The following HSCB variants were observed in gnomAD, a reference collection of about 807,000 sequenced individuals.
The protein encoded by HSCB is iron-sulfur cluster co-chaperone protein HscB.
A neutral mutation model predicts 31.3 loss-of-function variants in HSCB; 23 were observed. The observed-to-expected ratio is 0.74, with a 90% CI of 0.53 to 1.04. HSCB has a LOEUF of 1.04. HSCB is among the 50% of genes least tolerant of loss of function. The pLI, the probability that HSCB is intolerant of heterozygous loss-of-function variation, is 0.00. For missense variants in HSCB, 297 were observed against 288.1 expected (o/e 1.03, Z -0.22); for synonymous variants, 110 against 104.5 (o/e 1.05, Z -0.32).
intron 4 of HSCB, among the ~76,000 whole-genome samples, chr22:28,750,156 G>A (rs927584975): frequency 2.0e-5 from 3 of 149,588 alleles, no homozygotes; most frequent in African/African-American, 7.4e-5. Context: ...GGCTGAGGCA[G>A]GAGAATTGCT....
At chr22:28,754,552 C>T (rs751279266) in intron 5 of HSCB, among the ~76,000 whole-genome samples, 2 of 152,044 alleles carry the variant, frequency 1.3e-5, no homozygotes, top group East Asian at 2.0e-4. Context: ...TGCCTGTAAT[C>T]CCAGCTACTT....
In HSCB at chr22:28,745,856, C is replaced by T. The variant is rs745370965; in HGVS notation, c.424-8C>T. On this transcript the variant is annotated splice_polypyrimidine_tract_variant and splice_region_variant and intron_variant, in intron 3 of 5. Coordinates refer to ENST00000216027, the MANE Select transcript of HSCB (RefSeq NM_172002.5). ...TCAACTTATTTTTCTTGCTTTCTACCCCAATAGCTAAAGCTCCATGGAATA... is the reference window on the plus strand; with the variant it reads ...TCAACTTATTTTTCTTGCTTTCTACTCCAATAGCTAAAGCTCCATGGAATA... The T allele has an allele frequency of 6.3e-7, 1 of 1,595,858 alleles. No homozygotes were observed. Among genetic ancestry groups the T allele is most frequent in the African/African-American group, 1.4e-5 (1 of 73,764 alleles).
At chr22:28,748,289 T>C (rs1385798536) in intron 4 of HSCB, among the ~76,000 whole-genome samples, 1 of 152,200 alleles carries the variant, frequency 6.6e-6, no homozygotes, top group Admixed American at 6.5e-5. Flanking sequence ...TTCTTCCTTA[T>C]GCCCATAGTC....
chr22:28,742,227 C>T lies in HSCB; in HGVS notation c.132C>T (p.Cys44=), dbSNP rs1156663278. Residue 44 remains cysteine, a synonymous_variant, in exon 1 of 6, where the codon TGC becomes TGT. Transcript: ENST00000216027. ...GCAATTATCCCCGCTGTTGGAACTG[C>T]GGCGGCCCATGGGGCCCCGGGCGGG... ...AGSNYPRCWN[C]GGPWGPGRED... is the part of the protein sequence containing the mutation. The T allele has an allele frequency of 6.2e-7, 1 of 1,613,922 alleles. No homozygotes were observed. Among genetic ancestry groups the T allele is most frequent in the Middle Eastern group, 1.7e-4 (1 of 6,058 alleles).
intron 4 of HSCB, among the ~76,000 whole-genome samples, chr22:28,750,002 T>C (rs1006147017): frequency 6.6e-6 from 1 of 151,850 alleles, no homozygotes; most frequent in African/African-American, 2.4e-5. Context: ...ATAATCCCAT[T>C]ACTTTGGGAG....
chr22:28,750,943 G>GTTTTTTTT (rs1202821377), intron 4 of HSCB, among the ~76,000 whole-genome samples: 1 of 62,050 alleles, frequency 1.6e-5, no homozygotes, highest in African/African-American at 6.0e-5. Flanking sequence ...GTATATCTTT[G>GTTTTTTTT]TCTTTTTTTT....
At chr22:28,748,430 G>C (rs1186408125) in intron 4 of HSCB, among the ~76,000 whole-genome samples, 1 of 151,914 alleles carries the variant, frequency 6.6e-6, no homozygotes, top group Non-Finnish European at 1.5e-5. Flanking sequence ...GCTTTTCACT[G>C]GTCTGTCCGT....
At position 28,757,256 on chromosome 22, in the gene HSCB, G is replaced by A. The variant is rs1429464891; in HGVS notation, c.*87G>A. On this transcript the variant is annotated 3_prime_UTR_variant, in exon 6 of 6. Transcript: ENST00000216027. ...AATCCCAGCACTTTGGGAGGCTGAG[G>A]TGGGTGGATGACAAGGTCAGGAGTT... 1.9e-5 allele frequency: 13 copies of A among 667,726 alleles called. No individual in the cohort carries two copies. The South Asian group carries it at 2.1e-4, about 11-fold the overall frequency. The allele number at this position is 667,726 out of a possible 1,614,324, so 41.4% of individuals were successfully genotyped here.
At chr22:28,744,081 C>T in intron 2 of HSCB, 103 bp downstream of exon 2, 1 of 917,982 alleles carries the variant, frequency 1.1e-6, no homozygotes. Flanking sequence ...GGAAAATCAG[C>T]TGTGTCTGCC....
intron 5 of HSCB, among the ~76,000 whole-genome samples, chr22:28,754,799 ATT>A (rs34393370): frequency 2.3e-4 from 34 of 146,240 alleles, no homozygotes; most frequent in Admixed American, 2.7e-4. Flanking sequence ...TACCAACTTA[ATT>A]TTTTTTTTTT....
rs772138846 is a variant in HSCB at position 28,742,243 on chromosome 22, C to T, written c.148C>T (p.Pro50Ser). 1.2e-6 allele frequency: 2 copies of T among 1,613,938 alleles called. No individual in the cohort carries two copies. Among genetic ancestry groups the T allele is most frequent in the Non-Finnish European group, 8.5e-7 (1 of 1,180,032 alleles). ...RCWNCGGPWG[P>S]GREDRFFCPQ... ...TTGGAACTGCGGCGGCCCATGGGGCCCCGGGCGGGAGGACAGGTTCTTCTG... is the reference window on the plus strand; with the variant it reads ...TTGGAACTGCGGCGGCCCATGGGGCTCCGGGCGGGAGGACAGGTTCTTCTG... Residue 50 changes from proline (P) to serine (S), a missense_variant, in exon 1 of 6, where the codon CCC becomes TCC. By Grantham distance (74) the Pro-to-Ser change is moderately conservative. Transcript: ENST00000216027.
Position 28,743,934 on chromosome 22 carries a change from C to A in HSCB, c.289C>A (p.Leu97Met). ...GAAGCTCCAGCACAGGTACCAGCAACTGCAGCGTCTTGTCCACCCAGATTT... is the reference window on the plus strand; with the variant it reads ...GAAGCTCCAGCACAGGTACCAGCAAATGCAGCGTCTTGTCCACCCAGATTT... ...TAKLQHRYQQ[L>M]QRLVHPDFFS... The change falls in exon 2 of 6, where the codon CTG (leucine) becomes ATG (methionine). Residue 97 changes from leucine to methionine, a missense_variant. Transcript: ENST00000216027. 2.5e-6 allele frequency: 4 copies of A among 1,614,210 alleles called. No individual in the cohort carries two copies. The highest frequency in any genetic ancestry group is 2.5e-6 in the Non-Finnish European group (3 of 1,180,034).
At chr22:28,750,147 G>C (rs2030112538) in intron 4 of HSCB, among the ~76,000 whole-genome samples, 1 of 149,612 alleles carries the variant, frequency 6.7e-6, no homozygotes, top group African/African-American at 2.5e-5. Flanking sequence ...AACTTCAGAG[G>C]CTGAGGCAGG....
intron 5 of HSCB, among the ~76,000 whole-genome samples, chr22:28,754,912 C>T (rs1569189812): frequency 6.6e-6 from 1 of 150,592 alleles, no homozygotes. Context: ...TCTCCTGCCT[C>T]AGCCTCCCAA....
intron 2 of HSCB, 23 bp downstream of exon 2, chr22:28,744,001 T>C: frequency 6.5e-7 from 1 of 1,532,588 alleles, no homozygotes; most frequent in Non-Finnish European, 9.0e-7. Context: ...CCAACCCCAA[T>C]AATCCCCAAA....
In HSCB at chr22:28,745,890, T is replaced by A; in HGVS notation, c.450T>A (p.Pro150=). Residue 150 remains proline (P), a synonymous_variant, in exon 4 of 6, where the codon CCT becomes CCA. Coordinates refer to ENST00000216027, the MANE Select transcript of HSCB (RefSeq NM_172002.5). The part of the protein sequence containing the change: ...YLLKLHGIEI[P]ERTDYEMDRQ... ...TAAAGCTCCATGGAATAGAGATTCC[T>A]GAAAGGACAGATTATGAAATGGACA... is the stretch of plus-strand genomic sequence containing the variant. The A allele has an allele frequency of 1.2e-6, 2 of 1,612,702 alleles. No individual in the cohort carries two copies. Among genetic ancestry groups the A allele is most frequent in the Non-Finnish European group, 1.7e-6 (2 of 1,179,474 alleles).
Position 28,744,627 on chromosome 22 carries a change from T to G in HSCB, c.346T>G (p.Phe116Val), listed in dbSNP as rs1366201909. 1.2e-6 allele frequency: 2 copies of G among 1,612,762 alleles called. No individual in the cohort carries two copies. Among genetic ancestry groups the G allele is most frequent in the Non-Finnish European group, 1.7e-6 (2 of 1,178,860 alleles). ...FSQRSQTEKDFSEKHSTLVND... is the reference protein window; with the variant it reads ...FSQRSQTEKDVSEKHSTLVND... The stretch of plus-strand genomic sequence containing the variant: ...TCTCCACTAACAGACTGAAAAGGAC[T>G]TCTCAGAGAAGCATTCGACCCTGGT... Residue 116 changes from phenylalanine to valine, a missense_variant, in exon 3 of 6, where the codon TTC (phenylalanine) becomes GTC (valine). By Grantham distance (50) the Phe-to-Val change is conservative. Transcript: ENST00000216027.
Position 28,751,400 on chromosome 22 carries a change from G to C in HSCB, c.616+112G>C, listed in dbSNP as rs1163051628. ...TACCTTCCTATGATAGCTATATAGG[G>C]AGATATGAAATACTTATGAGTCTAC... On this transcript the variant is annotated intron_variant, in intron 5 of 5. Coordinates refer to ENST00000216027, the MANE Select transcript of HSCB (RefSeq NM_172002.5). The C allele has an allele frequency of 6.6e-6, 4 of 605,516 alleles. No individual in the cohort carries two copies. The East Asian group carries it at 1.2e-4, about 18-fold the overall frequency. The allele number at this position is 605,516 out of a possible 1,614,324, so 37.5% of individuals were successfully genotyped here.
rs2030679606 is a variant in HSCB at position 28,757,393 on chromosome 22, G to C, written c.*224G>C. 5.2e-6 allele frequency: 2 copies of C among 387,044 alleles called. No individual in the cohort carries two copies. The highest frequency in any genetic ancestry group is 4.7e-5 in the South Asian group (2 of 42,834). 24.0% of individuals were successfully genotyped at this position (387,044 alleles called of 1,614,324 possible). ...CCAGCTACTTGGTAGGCCGAGGCAG[G>C]AGAATCGCTTAAACCCGTGAGGTGG... On this transcript the variant is annotated 3_prime_UTR_variant, in exon 6 of 6. Coordinates refer to ENST00000216027, the MANE Select transcript of HSCB (RefSeq NM_172002.5).
Sources: allele counts gnomAD v4.1 joint callset (sites outside exome capture counted in the v4.1 genomes callset), GRCh38; gene constraint gnomAD v4.1.1; transcripts MANE v1.5; gene names NCBI Gene and HGNC (gene_info 2026-07-23, HGNC 2026-07-21).